The following STXBP5L variants were observed in gnomAD, a reference collection of about 807,000 sequenced individuals.
STXBP5L encodes syntaxin binding protein 5L.
A neutral mutation model predicts 144.5 loss-of-function variants in STXBP5L; 65 were observed. The observed-to-expected ratio is 0.45, with a 90% CI of 0.37 to 0.55. STXBP5L has a LOEUF of 0.55. Ranked by LOEUF, STXBP5L falls within the 20% of genes least tolerant of loss-of-function variation. The pLI is 0.00. For synonymous variants in STXBP5L, 505 were observed against 469.6 expected (o/e 1.08, Z -0.97); for missense variants, 1,298 against 1,405.5 (o/e 0.92, Z 1.22).
intron 10 of STXBP5L, among the ~76,000 whole-genome samples, chr3:121,218,005 T>G (rs1460304749): frequency 6.9e-6 from 1 of 144,634 alleles, no homozygotes; most frequent in Non-Finnish European, 1.5e-5. Context: ...TAATATATAG[T>G]ATAATATATA....
At chr3:121,298,087 A>G (rs1435168824) in intron 19 of STXBP5L, among the ~76,000 whole-genome samples, 1 of 152,138 alleles carries the variant, frequency 6.6e-6, no homozygotes, top group Non-Finnish European at 1.5e-5. Flanking sequence ...ACCATTTTAC[A>G]TGCCCACCAA....
chr3:121,348,996 T>C lies in STXBP5L; in HGVS notation c.2177-29720T>C, dbSNP rs539138619. 2.5e-3 allele frequency among the ~76,000 whole-genome samples: 380 copies of C among 152,116 alleles called. 3 individuals carry two copies. Among genetic ancestry groups the C allele is most frequent in the African/African-American group, 8.6e-3 (358 of 41,488 alleles). ...GATGTTAGTTATTTCTTCCATTCTG[T>C]TAGCTTTTGAATGTGTTTGCTCTTG... On this transcript the variant is annotated intron_variant, in intron 20 of 26. Coordinates refer to ENST00000471454, the MANE Select transcript of STXBP5L (RefSeq NM_001308330.2).
intron 3 of STXBP5L, among the ~76,000 whole-genome samples, chr3:120,975,193 T>G (rs1292489899): frequency 6.6e-6 from 1 of 152,228 alleles, no homozygotes; most frequent in Non-Finnish European, 1.5e-5. Flanking sequence ...TATTCTTCCA[T>G]TTGGTTGTAT....
At chr3:121,006,871 A>T (rs965969666) in intron 3 of STXBP5L, among the ~76,000 whole-genome samples, 15 of 152,258 alleles carry the variant, frequency 9.9e-5, no homozygotes, top group South Asian at 2.1e-4. Flanking sequence ...AATGTTGAAT[A>T]TTGGCCCCCA....
Position 121,028,779 on chromosome 3 carries a change from C to A in STXBP5L, c.288-12921C>A, listed in dbSNP as rs540776018. Among the ~76,000 whole-genome samples, 11 of 152,114 alleles carry A rather than the reference C, an allele frequency of 7.2e-5. No homozygotes were observed. In the East Asian group the frequency reaches 2.1e-3, roughly 29 times the overall value. ...ATCCTCACTTCTGTTACTTTGCTTC[C>A]TTCACTGAGCCAAAATTCCACATTC... is the stretch of plus-strand genomic sequence containing the variant. On this transcript the variant is annotated intron_variant, in intron 3 of 26. Transcript: ENST00000471454.
intron 20 of STXBP5L, among the ~76,000 whole-genome samples, chr3:121,320,021 A>G (rs1217584569): frequency 6.6e-6 from 1 of 152,132 alleles, no homozygotes; most frequent in East Asian, 1.9e-4. Context: ...ACCTTTTTGT[A>G]TTTTCATATA....
Position 121,358,436 on chromosome 3 carries a change from C to T in STXBP5L, c.2177-20280C>T, listed in dbSNP as rs143761207. Among the ~76,000 whole-genome samples the T allele has an allele frequency of 2.8e-3, 423 of 152,176 alleles. 2 individuals carry two copies. Among genetic ancestry groups the T allele is most frequent in the African/African-American group, 8.1e-3 (338 of 41,528 alleles). On this transcript the variant is annotated intron_variant, in intron 20 of 26. Transcript: ENST00000471454. ...CTCATGGTGGACAGTGAAGGGGAAG[C>T]GAGGCATGTCTTCTCATGGCCAGAG...
At chr3:121,170,422 A>G (rs747209202) in intron 9 of STXBP5L, among the ~76,000 whole-genome samples, 4 of 152,080 alleles carry the variant, frequency 2.6e-5, no homozygotes, top group Non-Finnish European at 5.9e-5. Flanking sequence ...GTTTTTGAAA[A>G]CATCAACAAA....
intron 5 of STXBP5L, among the ~76,000 whole-genome samples, chr3:121,088,459 T>A (rs1414679361): frequency 1.0e-5 from 1 of 97,422 alleles, no homozygotes; most frequent in Admixed American, 1.3e-4. Flanking sequence ...CTGGAGAGGA[T>A]GTGGAGAAAT....
intron 5 of STXBP5L, among the ~76,000 whole-genome samples, chr3:121,072,876 A>G (rs142016567): frequency 6.6e-6 from 1 of 151,938 alleles, no homozygotes; most frequent in Non-Finnish European, 1.5e-5. Flanking sequence ...CTCTTTCCTT[A>G]TATTTGGCTC....
chr3:121,196,005 G>C (rs1205330378), intron 9 of STXBP5L, among the ~76,000 whole-genome samples: 1 of 151,888 alleles, frequency 6.6e-6, no homozygotes, highest in East Asian at 1.9e-4. Context: ...TGTTATTCTT[G>C]TTCAATAGTA....
At chr3:121,211,816 G>A (rs544596809) in intron 10 of STXBP5L, among the ~76,000 whole-genome samples, 47 of 152,038 alleles carry the variant, frequency 3.1e-4, no homozygotes, top group Admixed American at 1.5e-3. Context: ...TCTTGACCTC[G>A]TGATCCGACC....
chr3:121,154,796 C>A (rs988639989), intron 8 of STXBP5L, among the ~76,000 whole-genome samples: 4 of 151,488 alleles, frequency 2.6e-5, no homozygotes, highest in African/African-American at 9.7e-5. Context: ...AATATCTAAA[C>A]CTCCTTCTAT....
intron 5 of STXBP5L, among the ~76,000 whole-genome samples, chr3:121,083,538 C>T (rs2042346872): frequency 6.6e-6 from 1 of 152,038 alleles, no homozygotes. Context: ...TGGCAGGCGT[C>T]TGTTATCCCA....
chr3:121,227,612 A>G (rs185946806), intron 11 of STXBP5L, among the ~76,000 whole-genome samples: 49 of 152,238 alleles, frequency 3.2e-4, no homozygotes, highest in African/African-American at 9.9e-4. Flanking sequence ...TTGATTAGCA[A>G]TTTTGGACTA....
chr3:121,316,154 TCTG>T (rs2043780497), intron 19 of STXBP5L, among the ~76,000 whole-genome samples: 1 of 152,222 alleles, frequency 6.6e-6, no homozygotes, highest in Admixed American at 6.5e-5. Context: ...TAATGATTGT[TCTG>T]AATAACTATA....
At chr3:121,055,843 CCTGA>C (rs1948421646) in intron 5 of STXBP5L, among the ~76,000 whole-genome samples, 2 of 150,056 alleles carry the variant, frequency 1.3e-5, no homozygotes, top group South Asian at 2.1e-4. Context: ...CACTATGATG[CCTGA>C]CTAATGTTAA....
intron 3 of STXBP5L, among the ~76,000 whole-genome samples, chr3:120,960,418 G>A (rs188815641): frequency 9.9e-5 from 15 of 152,170 alleles, no homozygotes; most frequent in East Asian, 1.9e-4. Flanking sequence ...GGTATATACC[G>A]AAAGGAGTAT....
At chr3:120,997,451 C>A (rs1943440327) in intron 3 of STXBP5L, among the ~76,000 whole-genome samples, 1 of 152,072 alleles carries the variant, frequency 6.6e-6, no homozygotes, top group Non-Finnish European at 1.5e-5. Context: ...GTGCCAATAT[C>A]TGTTATTTTT....
Sources: allele counts gnomAD v4.1 joint callset (sites outside exome capture counted in the v4.1 genomes callset), GRCh38; gene constraint gnomAD v4.1.1; transcripts MANE v1.5; gene names NCBI Gene and HGNC (gene_info 2026-07-23, HGNC 2026-07-21).